Variants in XPO7 observed in about 807,000 individuals in gnomAD.
XPO7 encodes exportin 7.
A neutral mutation model predicts 144.3 loss-of-function variants in XPO7; 21 were observed. The observed-to-expected ratio is 0.15, with a 90% CI of 0.10 to 0.21. The LOEUF (loss-of-function observed/expected upper bound fraction) is 0.21. Among genes scored for constraint, XPO7 ranks in the 10% least tolerant of loss-of-function variants. XPO7 has a pLI of 1.00. For missense variants in XPO7, 808 were observed against 1,325.8 expected (o/e 0.61, Z 6.06); for synonymous variants, 580 against 499.6 (o/e 1.16, Z -2.15).
intron 1 of XPO7, among the ~76,000 whole-genome samples, chr8:21,933,982 T>C (rs943541508): frequency 1.3e-5 from 2 of 152,208 alleles, no homozygotes; most frequent in East Asian, 3.8e-4. Context: ...GTTAGCATAA[T>C]GAAAGAAAAT....
intron 18 of XPO7, 22 bp downstream of exon 18, chr8:21,990,941 G>T: frequency 6.2e-7 from 1 of 1,603,854 alleles, no homozygotes; most frequent in South Asian, 1.1e-5. Flanking sequence ...AATCGTAGTG[G>T]CTCATGAAGT....
chr8:21,975,914 A>G (rs1812208763), intron 6 of XPO7, among the ~76,000 whole-genome samples: 1 of 152,192 alleles, frequency 6.6e-6, no homozygotes, highest in Admixed American at 6.5e-5. Flanking sequence ...ATTTTTGGTG[A>G]TGGTGGTTGT....
At chr8:21,986,038 A>G (rs1364119014) in intron 13 of XPO7, among the ~76,000 whole-genome samples, 1 of 152,044 alleles carries the variant, frequency 6.6e-6, no homozygotes, top group Non-Finnish European at 1.5e-5. Flanking sequence ...TTTAAAGTTC[A>G]CCAGAGATGG....
At chr8:21,944,995 TA>T (rs1795909895) in intron 1 of XPO7, among the ~76,000 whole-genome samples, 1 of 152,266 alleles carries the variant, frequency 6.6e-6, no homozygotes, top group Admixed American at 6.5e-5. Flanking sequence ...TGGAGTCTCC[TA>T]TGTCTACTTC....
chr8:21,930,969 T>C (rs1810626194), intron 1 of XPO7, among the ~76,000 whole-genome samples: 2 of 151,958 alleles, frequency 1.3e-5, no homozygotes, highest in Admixed American at 1.3e-4. Flanking sequence ...GCCTCCCAAG[T>C]GAGGCTGGGA....
chr8:21,933,811 C>A lies in XPO7; in HGVS notation c.18+14023C>A, dbSNP rs577998504. ...CAGGTTAATGAGGTGATACTAGAATCACATCGTTTTTAAGCTAGGAAAAAA... is the reference window on the plus strand; with the variant it reads ...CAGGTTAATGAGGTGATACTAGAATAACATCGTTTTTAAGCTAGGAAAAAA... On this transcript the variant is annotated intron_variant, in intron 1 of 27. Transcript: ENST00000252512. Among the ~76,000 whole-genome samples, 4 of 152,202 alleles carry A rather than the reference C, an allele frequency of 2.6e-5. No individual in the cohort carries two copies. In the East Asian group the frequency reaches 7.7e-4, roughly 29 times the overall value.
intron 5 of XPO7, among the ~76,000 whole-genome samples, chr8:21,973,198 T>C (rs1026404507): frequency 1.3e-5 from 2 of 152,208 alleles, no homozygotes; most frequent in Admixed American, 6.5e-5. Context: ...ACCACTCTTA[T>C]CTTTGCAGCA....
chr8:21,925,507 C>T (rs1466949803), intron 1 of XPO7, among the ~76,000 whole-genome samples: 1 of 152,160 alleles, frequency 6.6e-6, no homozygotes, highest in Admixed American at 6.5e-5. Flanking sequence ...GACTGGAGAA[C>T]TCGCTGTTGG....
intron 1 of XPO7, among the ~76,000 whole-genome samples, chr8:21,961,924 A>G (rs528084096): frequency 4.6e-5 from 7 of 152,336 alleles, no homozygotes; most frequent in African/African-American, 1.7e-4. Flanking sequence ...GAGCCTCCCA[A>G]AGTGCTGGGA....
intron 1 of XPO7, among the ~76,000 whole-genome samples, chr8:21,963,523 G>A (rs1469440034): frequency 3.3e-5 from 5 of 152,004 alleles, no homozygotes; most frequent in African/African-American, 7.2e-5. Context: ...GTGAAACCCC[G>A]TCTCTACTAA....
chr8:21,930,759 T>C (rs1267301831), intron 1 of XPO7, among the ~76,000 whole-genome samples: 1 of 152,224 alleles, frequency 6.6e-6, no homozygotes, highest in Non-Finnish European at 1.5e-5. Flanking sequence ...AACAATGTTA[T>C]AGGAAGTTGA....
intron 1 of XPO7, among the ~76,000 whole-genome samples, chr8:21,951,001 G>A (rs1233223302): frequency 6.6e-6 from 1 of 151,996 alleles, no homozygotes; most frequent in Non-Finnish European, 1.5e-5. Context: ...GGTAGTGCAT[G>A]CCTGTAATCA....
At position 21,981,892 on chromosome 8, in the gene XPO7, A is replaced by G; in HGVS notation, c.1104+15A>G. On this transcript the variant is annotated intron_variant, in intron 10 of 27. Coordinates refer to ENST00000252512, the MANE Select transcript of XPO7 (RefSeq NM_015024.5). Reference sequence around the variant, plus strand: ...CCAGCCTACAGGTTTGTCTTTGATTACTTGTGTCTTCCTTCCTAAATACTG... The same window carrying G: ...CCAGCCTACAGGTTTGTCTTTGATTGCTTGTGTCTTCCTTCCTAAATACTG... 6 of 1,610,094 alleles carry G rather than the reference A, an allele frequency of 3.7e-6. No homozygotes were observed. The highest frequency in any genetic ancestry group is 5.1e-6 in the Non-Finnish European group (6 of 1,176,654).
intron 21 of XPO7, among the ~76,000 whole-genome samples, chr8:21,998,454 T>C (rs985752761): frequency 2.6e-5 from 4 of 152,064 alleles, no homozygotes; most frequent in Admixed American, 6.6e-5. Flanking sequence ...AAAAAGAAAG[T>C]ATACTTTAAT....
At chr8:21,923,393 C>G (rs187817558) in intron 1 of XPO7, among the ~76,000 whole-genome samples, 1 of 152,208 alleles carries the variant, frequency 6.6e-6, no homozygotes, top group Non-Finnish European at 1.5e-5. Flanking sequence ...CCATCACCCA[C>G]TCCCACCCTG....
At chr8:21,975,482 G>A (rs1055352482) in intron 6 of XPO7, among the ~76,000 whole-genome samples, 2 of 152,186 alleles carry the variant, frequency 1.3e-5, no homozygotes, top group Admixed American at 6.5e-5. Flanking sequence ...AGCTAAATAG[G>A]GTTAGCCTCT....
At chr8:21,955,724 C>CTTTT (rs71544845) in intron 1 of XPO7, among the ~76,000 whole-genome samples, 4,742 of 102,470 alleles carry the variant, frequency 0.046, 708 homozygotes, top group African/African-American at 0.2. Flanking sequence ...CTGTGCTTAC[C>CTTTT]TTTTTTTTTT....
chr8:21,973,362 A>G (rs1231962321), intron 5 of XPO7, among the ~76,000 whole-genome samples: 1 of 152,228 alleles, frequency 6.6e-6, no homozygotes, highest in East Asian at 1.9e-4. Context: ...TTTGTGTAGC[A>G]TTTAGTGTGT....
intron 6 of XPO7, among the ~76,000 whole-genome samples, chr8:21,975,067 G>T (rs1014515045): frequency 1.3e-5 from 2 of 152,202 alleles, no homozygotes; most frequent in Admixed American, 6.5e-5. Context: ...ACCTAACTCA[G>T]AGTTTGAAGT....
Sources: allele counts gnomAD v4.1 joint callset (sites outside exome capture counted in the v4.1 genomes callset), GRCh38; gene constraint gnomAD v4.1.1; transcripts MANE v1.5; gene names NCBI Gene and HGNC (gene_info 2026-07-23, HGNC 2026-07-21).